The following NAALADL2 variants were observed in gnomAD, a reference collection of about 807,000 sequenced individuals.
NAALADL2 encodes inactive N-acetylated-alpha-linked acidic dipeptidase-like protein 2.
In NAALADL2, 76 loss-of-function variants were observed where a neutral mutation model predicts 87.2. The observed-to-expected ratio is 0.87, with a 90% CI of 0.72 to 1.05. The LOEUF is 1.05. Among genes scored for constraint, NAALADL2 ranks in the 50% least tolerant of loss-of-function variants. The pLI is 0.00. For missense variants in NAALADL2, 1,089 were observed against 945.8 expected, an observed-to-expected ratio of 1.15 and a Z score of -1.99; for synonymous variants, 354 against 331.0, an observed-to-expected ratio of 1.07 and a Z score of -0.75.
chr3:175,585,603 C>G (rs1041991469), intron 10 of NAALADL2, among the ~76,000 whole-genome samples: 15 of 151,874 alleles, frequency 9.9e-5, no homozygotes, highest in African/African-American at 3.4e-4. Flanking sequence ...AAAACAGAGC[C>G]TATAACTAGA....
intron 5 of NAALADL2, among the ~76,000 whole-genome samples, chr3:175,357,009 G>A (rs1031352333): frequency 1.3e-5 from 2 of 152,068 alleles, no homozygotes; most frequent in Non-Finnish European, 1.5e-5. Context: ...CTTTGCTTAC[G>A]TTATTTTCAA....
At chr3:175,033,793 G>A (rs1167882820) in intron 1 of NAALADL2, among the ~76,000 whole-genome samples, 2 of 152,076 alleles carry the variant, frequency 1.3e-5, no homozygotes, top group African/African-American at 4.8e-5. Context: ...GTTTAATCCA[G>A]TTCATGATGT....
At chr3:175,517,252 G>A (rs1181794025) in intron 9 of NAALADL2, among the ~76,000 whole-genome samples, 8 of 151,926 alleles carry the variant, frequency 5.3e-5, no homozygotes. Context: ...ATTTCACAGT[G>A]GCTTTTACAG....
intron 3 of NAALADL2, among the ~76,000 whole-genome samples, chr3:175,242,061 C>A (rs1382039287): frequency 6.6e-6 from 1 of 151,476 alleles, no homozygotes; most frequent in Non-Finnish European, 1.5e-5. Flanking sequence ...GGGGTTTCAC[C>A]ATGTTGGCCA....
intron 2 of NAALADL2, among the ~76,000 whole-genome samples, chr3:174,661,885 A>G (rs1268740276): frequency 6.6e-6 from 1 of 152,170 alleles, no homozygotes; most frequent in East Asian, 1.9e-4. Context: ...AGAAACACAG[A>G]TGGAACTAGA....
chr3:174,557,887 G>C (rs1483234758), intron 2 of NAALADL2, among the ~76,000 whole-genome samples: 1 of 152,128 alleles, frequency 6.6e-6, no homozygotes, highest in Non-Finnish European at 1.5e-5. Flanking sequence ...TTCTAGCGGA[G>C]TCAAACAGGA....
intron 1 of NAALADL2, among the ~76,000 whole-genome samples, chr3:174,900,671 T>C (rs1732194751): frequency 6.6e-6 from 1 of 151,972 alleles, no homozygotes; most frequent in African/African-American, 2.4e-5. Flanking sequence ...TACCTTATGT[T>C]CTCATATAAG....
intron 2 of NAALADL2, among the ~76,000 whole-genome samples, chr3:175,113,785 C>T (rs1019955170): frequency 1.3e-5 from 2 of 151,544 alleles, no homozygotes; most frequent in Non-Finnish European, 3.0e-5. Context: ...ATAAGCATGC[C>T]TGCCTATTGC....
At chr3:175,548,042 G>A (rs748799618) in intron 9 of NAALADL2, among the ~76,000 whole-genome samples, 14 of 151,962 alleles carry the variant, frequency 9.2e-5, no homozygotes, top group East Asian at 1.9e-4. Context: ...ACAGCAATCC[G>A]ATTTCTGGGT....
At chr3:175,490,543 C>T (rs750783061) in intron 9 of NAALADL2, among the ~76,000 whole-genome samples, 16 of 148,436 alleles carry the variant, frequency 1.1e-4, no homozygotes, top group Non-Finnish European at 2.4e-4. Flanking sequence ...CCCGCCACCA[C>T]GCCTGGCTAG....
At chr3:174,977,537 A>G (rs534851665) in intron 1 of NAALADL2, among the ~76,000 whole-genome samples, 1 of 152,348 alleles carries the variant, frequency 6.6e-6, no homozygotes, top group East Asian at 1.9e-4. Context: ...GCTTTTCCAA[A>G]GTAATTTCCA....
intron 6 of NAALADL2, among the ~76,000 whole-genome samples, chr3:175,449,702 T>G (rs942317532): frequency 9.2e-5 from 14 of 152,282 alleles, no homozygotes; most frequent in Middle Eastern, 3.4e-3. Context: ...CTTAATTTTC[T>G]TCTTAATATG....
intron 11 of NAALADL2, among the ~76,000 whole-genome samples, chr3:175,638,227 C>T (rs1402480288): frequency 4.6e-5 from 7 of 152,130 alleles, no homozygotes; most frequent in East Asian, 1.9e-4. Context: ...GATATTTATT[C>T]GATCCACATA....
Position 175,119,878 on chromosome 3 carries a change from A to G in NAALADL2, c.545+22587A>G, listed in dbSNP as rs1327392041. On this transcript the variant is annotated intron_variant, in intron 2 of 13. Transcript: ENST00000454872. ...TATGTAAGTGTGTATGTGTATGTGT[A>G]TATATATACATATATATATATATAA... is the stretch of plus-strand genomic sequence containing the variant. Among the ~76,000 whole-genome samples, 3 of 115,586 alleles carry G rather than the reference A, an allele frequency of 2.6e-5. No individual in the cohort carries two copies. In the East Asian group the frequency reaches 8.5e-4, roughly 33 times the overall value. The allele number at this position is 115,586 out of a possible 152,430, so 75.8% of individuals were successfully genotyped here.
chr3:174,501,903 T>C (rs73881185), intron 1 of NAALADL2, among the ~76,000 whole-genome samples: 4,789 of 152,170 alleles, frequency 0.031, 239 homozygotes, highest in African/African-American at 0.11. Flanking sequence ...TTCATTAATT[T>C]TTAATATATT....
intron 6 of NAALADL2, among the ~76,000 whole-genome samples, chr3:175,455,841 T>A (rs1358008026): frequency 2.6e-5 from 4 of 151,958 alleles, no homozygotes; most frequent in Non-Finnish European, 5.9e-5. Context: ...TCAGGAAAAT[T>A]AAGAAAATGA....
intron 3 of NAALADL2, among the ~76,000 whole-genome samples, chr3:175,247,881 T>G (rs1011967151): frequency 6.6e-6 from 1 of 152,182 alleles, no homozygotes; most frequent in African/African-American, 2.4e-5. Flanking sequence ...TTTATCATCA[T>G]CCAGATTGGG....
At chr3:174,995,549 A>G (rs1579925454) in intron 1 of NAALADL2, among the ~76,000 whole-genome samples, 1 of 152,102 alleles carries the variant, frequency 6.6e-6, no homozygotes. Flanking sequence ...GGTTTTTCAG[A>G]CCCCATACTT....
intron 1 of NAALADL2, among the ~76,000 whole-genome samples, chr3:174,894,263 A>G (rs116071262): frequency 0.024 from 3,632 of 152,192 alleles, 151 homozygotes; most frequent in African/African-American, 0.081. Flanking sequence ...AAGAGATTTC[A>G]ACACCCCACT....
Sources: allele counts gnomAD v4.1 joint callset (sites outside exome capture counted in the v4.1 genomes callset), GRCh38; gene constraint gnomAD v4.1.1; transcripts MANE v1.5; gene names NCBI Gene and HGNC (gene_info 2026-07-23, HGNC 2026-07-21).